The following APOB variants were observed in gnomAD, a reference collection of about 807,000 sequenced individuals.
The protein encoded by APOB is apolipoprotein B, also known as apolipoprotein B-100.
Under a neutral mutation model 314.1 loss-of-function variants are expected in APOB, and 153 were observed. That is an observed-to-expected ratio of 0.49 (90% CI 0.43 to 0.56). APOB has a LOEUF of 0.56. APOB is among the 20% of genes least tolerant of loss of function. The pLI is 0.00. For synonymous variants in APOB, 2,087 were observed against 2,036.4 expected (o/e 1.02, Z -0.67); for missense variants, 5,430 against 5,350.7 (o/e 1.01, Z -0.46).
Position 21,011,747 on chromosome 2 carries a change from C to G in APOB, c.5121G>C (p.Glu1707Asp), listed in dbSNP as rs1663327374. 10 of 1,614,030 alleles carry G rather than the reference C, an allele frequency of 6.2e-6. No individual in the cohort carries two copies. The highest frequency in any genetic ancestry group is 8.5e-6 in the Non-Finnish European group (10 of 1,180,040). ...FSLDGKAALTELSLGSAYQAM... is the reference protein window; with the variant it reads ...FSLDGKAALTDLSLGSAYQAM... Reference sequence around the variant, plus strand: ...CCTGATAAGCACTTCCCAGTGATAGCTCTGTGAGGGCGGCTTTCCCATCCA... The same window carrying G: ...CCTGATAAGCACTTCCCAGTGATAGGTCTGTGAGGGCGGCTTTCCCATCCA... Residue 1707 changes from glutamate (E) to aspartate (D), a missense_variant, in exon 26 of 29, where the codon GAG becomes GAC. This residue lies in a region of APOB where 2,085 missense variants were observed against 2,079.7 expected (regional missense o/e 1.00). Coordinates refer to ENST00000233242, the MANE Select transcript of APOB (RefSeq NM_000384.3).
At chr2:21,020,054 A>G in intron 18 of APOB, 149 bp from the exon 19 acceptor site, 1 of 757,380 alleles carries the variant, frequency 1.3e-6, no homozygotes, top group Non-Finnish European at 2.3e-6. Context: ...AGAAACAAAT[A>G]ATATTAGAAA....
Position 21,004,401 on chromosome 2 carries a change from A to G in APOB, c.11955T>C (p.Asp3985=). The change falls in exon 28 of 29, where the codon GAT becomes GAC. Residue 3985 remains aspartate, a synonymous_variant. Transcript: ENST00000233242. Reference sequence around the variant, plus strand: ...TGTCTTTCTGGTAGCGCAGATGGAGATCGGTGAACGCTGGGCTTTTGATAT... The same window carrying G: ...TGTCTTTCTGGTAGCGCAGATGGAGGTCGGTGAACGCTGGGCTTTTGATAT... ...HLNIKSPAFT[D]LHLRYQKDKK... is the part of the protein sequence containing the mutation. 2 of 1,613,998 alleles carry G rather than the reference A, an allele frequency of 1.2e-6. No individual in the cohort carries two copies. The highest frequency in any genetic ancestry group is 2.2e-5 in the South Asian group (2 of 91,072).
Position 21,018,989 on chromosome 2 carries a change from C to T in APOB, c.3121+3G>A. On this transcript the variant is annotated splice_donor_region_variant and intron_variant, in intron 20 of 28. Coordinates refer to ENST00000233242, the MANE Select transcript of APOB (RefSeq NM_000384.3). The stretch of plus-strand genomic sequence containing the variant: ...ATGAGGCAGCTGTGTTTTGAATACT[C>T]ACCTTCTGCTTGAGTTACAAACTTC... 2.5e-6 allele frequency: 4 copies of T among 1,614,038 alleles called. No individual in the cohort carries two copies. Among genetic ancestry groups the T allele is most frequent in the Non-Finnish European group, 3.4e-6 (4 of 1,179,980 alleles).
Position 21,006,575 on chromosome 2 carries a change from G to A in APOB, c.10293C>T (p.Ala3431=). The part of the protein sequence containing the change: ...MEVSVATTTK[A]QIPILRMNFK... The stretch of plus-strand genomic sequence containing the variant: ...AATTCATTCTCAAAATTGGAATTTG[G>A]GCTTTTGTGGTTGTTGCCACTGACA... The change falls in exon 26 of 29, where the codon GCC becomes GCT. Residue 3431 remains alanine, a synonymous_variant. Coordinates refer to ENST00000233242, the MANE Select transcript of APOB (RefSeq NM_000384.3). 6.2e-7 allele frequency: 1 copy of A among 1,614,028 alleles called. No homozygotes were observed. Among genetic ancestry groups the A allele is most frequent in the South Asian group, 1.1e-5 (1 of 91,080 alleles).
rs1367458507 is a variant in APOB at position 21,021,193 on chromosome 2, T to TGTA, written c.2817-1291_2817-1289dup. On this transcript the variant is annotated intron_variant, in intron 18 of 28. Transcript: ENST00000233242. ...TCCTTGAAACCAGAAGCTCTCCCAC[T>TGTA]GTAGTTCTTATTAAAATGAAGGGCG... Among the ~76,000 whole-genome samples the TGTA allele has an allele frequency of 2.0e-5, 3 of 152,344 alleles. No individual in the cohort carries two copies. The East Asian group carries it at 5.8e-4, about 29-fold the overall frequency.
chr2:21,007,114 T>G lies in APOB; in HGVS notation c.9754A>C (p.Thr3252Pro), dbSNP rs1357568074. Reference sequence around the variant, plus strand: ...ACTTCAACATTGACAACTGGAACAGTGTATCCAGGAATTTGAAAGGTCCTG... The same window carrying G: ...ACTTCAACATTGACAACTGGAACAGGGTATCCAGGAATTTGAAAGGTCCTG... ...LPRTFQIPGY[T>P]VPVVNVEVSP... The change falls in exon 26 of 29, where the codon ACT becomes CCT. Residue 3252 changes from threonine (T) to proline (P), a missense_variant. Thr to Pro is a conservative substitution (Grantham distance 38). This residue lies in a region of APOB where 3,281 missense variants were observed against 3,171.0 expected (regional missense o/e 1.03). Transcript: ENST00000233242. 1 of 1,613,982 alleles carries G rather than the reference T, an allele frequency of 6.2e-7. No individual in the cohort carries two copies. The highest frequency in any genetic ancestry group is 1.7e-5 in the Admixed American group (1 of 59,982).
At position 21,012,292 on chromosome 2, in the gene APOB, A is replaced by G. The variant is rs1663346691; in HGVS notation, c.4576T>C (p.Tyr1526His). 6.8e-6 allele frequency: 11 copies of G among 1,614,148 alleles called. No individual in the cohort carries two copies. The Admixed American group carries it at 8.3e-5, about 12-fold the overall frequency. ...GTTATCTGGTTGGTGCCTTGGAGGT[A>G]GGAGGAGTTAAACCTCAGGTTGGAC... Reference protein sequence around the residue: ...GESNLRFNSSYLQGTNQITGR... With the variant: ...GESNLRFNSSHLQGTNQITGR... Residue 1526 changes from tyrosine (Y) to histidine (H), a missense_variant, in exon 26 of 29, where the codon TAC becomes CAC. Tyr to His is a moderately conservative substitution (Grantham distance 83). Transcript: ENST00000233242.
Position 21,027,985 on chromosome 2 carries a change from T to A in APOB, c.1910A>T (p.Tyr637Phe). ...VMDFRKFSRNYQLYKSVSLPS... is the reference protein window; with the variant it reads ...VMDFRKFSRNFQLYKSVSLPS... Reference sequence around the variant, plus strand: ...AAGAGAAACAGATTTGTAGAGTTGATAGTTCCGAGAGAATTTTCTGAAGTC... The same window carrying A: ...AAGAGAAACAGATTTGTAGAGTTGAAAGTTCCGAGAGAATTTTCTGAAGTC... The change falls in exon 14 of 29, where the codon TAT becomes TTT. Residue 637 changes from tyrosine (Y) to phenylalanine (F), a missense_variant. By Grantham distance (22) the Tyr-to-Phe change is conservative (BLOSUM62 3). This residue lies in a region of APOB where 2,085 missense variants were observed against 2,079.7 expected (regional missense o/e 1.00). Transcript: ENST00000233242. 6.2e-7 allele frequency: 1 copy of A among 1,614,148 alleles called. No homozygotes were observed. The highest frequency in any genetic ancestry group is 8.5e-7 in the Non-Finnish European group (1 of 1,179,954).
chr2:21,015,385 C>T lies in APOB; in HGVS notation c.3493G>A (p.Val1165Met). ...AGACACATACCATAATGCCATGCCA[C>T]CCTCTTGGAAACTGTGGAGCCATAA... ...TAYGSTVSKR[V>M]AWHYDEEKIE... Residue 1165 changes from valine to methionine, a missense_variant, in exon 22 of 29, where the codon GTG becomes ATG. Val to Met is a conservative substitution (Grantham distance 21, BLOSUM62 1). Coordinates refer to ENST00000233242, the MANE Select transcript of APOB (RefSeq NM_000384.3). 1.2e-6 allele frequency: 2 copies of T among 1,614,194 alleles called. No individual in the cohort carries two copies. Among genetic ancestry groups the T allele is most frequent in the Non-Finnish European group, 1.7e-6 (2 of 1,180,050 alleles).
At chr2:21,014,968 G>T (rs897896181) in intron 23 of APOB, 105 bp downstream of exon 23, 18 of 1,205,178 alleles carry the variant, frequency 1.5e-5, no homozygotes, top group African/African-American at 4.5e-5. Context: ...GGGGAAGGAA[G>T]CATGCCTTAT....
rs1663347298 is a variant in APOB, at chr2:21,012,315, G to A, written c.4553C>T (p.Ser1518Phe). Reference sequence around the variant, plus strand: ...GTAGGAGGAGTTAAACCTCAGGTTGGACTCTCCATTGAGCCGGCCAGTGTT... The same window carrying A: ...GTAGGAGGAGTTAAACCTCAGGTTGAACTCTCCATTGAGCCGGCCAGTGTT... ...DPNTGRLNGESNLRFNSSYLQ... is the reference protein window; with the variant it reads ...DPNTGRLNGEFNLRFNSSYLQ... The change falls in exon 26 of 29, where the codon TCC becomes TTC. Residue 1518 changes from serine (S) to phenylalanine (F), a missense_variant. By Grantham distance (155) the Ser-to-Phe change is radical. This residue lies in a region of APOB where 2,085 missense variants were observed against 2,079.7 expected (regional missense o/e 1.00). Coordinates refer to ENST00000233242, the MANE Select transcript of APOB (RefSeq NM_000384.3). 1 of 1,614,016 alleles carries A rather than the reference G, an allele frequency of 6.2e-7. No homozygotes were observed. Among genetic ancestry groups the A allele is most frequent in the African/African-American group, 1.3e-5 (1 of 74,898 alleles).
Position 21,013,371 on chromosome 2 carries a change from G to A in APOB, c.4005C>T (p.Phe1335=). ...SVGFHLPSRE[F]QVPTFTIPKL... Reference sequence around the variant, plus strand: ...TGGGAATGGTAAAAGTAGGGACTTGGAACTCTCGAGATGGCAGATGGAATC... The same window carrying A: ...TGGGAATGGTAAAAGTAGGGACTTGAAACTCTCGAGATGGCAGATGGAATC... Residue 1335 remains phenylalanine, a synonymous_variant, in exon 25 of 29, where the codon TTC becomes TTT. Transcript: ENST00000233242. 2 of 1,614,202 alleles carry A rather than the reference G, an allele frequency of 1.2e-6. No individual in the cohort carries two copies. Among genetic ancestry groups the A allele is most frequent in the South Asian group, 1.1e-5 (1 of 91,080 alleles).
intron 24 of APOB, 64 bp downstream of exon 24, chr2:21,014,384 T>A: frequency 6.3e-7 from 1 of 1,583,544 alleles, no homozygotes; most frequent in South Asian, 1.1e-5. Flanking sequence ...GTCTAAATCA[T>A]GCTATGTAAA....
intron 1 of APOB, 114 bp from the exon 2 acceptor site, chr2:21,043,665 C>T: frequency 2.0e-6 from 3 of 1,509,594 alleles, no homozygotes; most frequent in Middle Eastern, 1.7e-4. Flanking sequence ...AGGCAGGCTC[C>T]GGAGACCCCC....
intron 12 of APOB, 116 bp from the exon 13 acceptor site, chr2:21,028,654 T>C (rs1348016331): frequency 1.4e-6 from 1 of 734,254 alleles, no homozygotes; most frequent in Non-Finnish European, 2.4e-6. Context: ...AATTTCTCTG[T>C]AATCGTTCTT....
Position 21,006,306 on chromosome 2 carries a change from A to C in APOB, c.10562T>G (p.Leu3521Trp). The change falls in exon 26 of 29, where the codon TTG (leucine) becomes TGG (tryptophan). Residue 3521 changes from leucine (L) to tryptophan (W), a missense_variant. Leu to Trp is a moderately conservative substitution (Grantham distance 61, BLOSUM62 -2). Around this residue, in one of 3 missense-constraint regions of APOB, gnomAD observed 3,281 missense variants for 3,171.0 expected, o/e 1.03. Coordinates refer to ENST00000233242, the MANE Select transcript of APOB (RefSeq NM_000384.3). ...GTIASEANTY[L>W]NSKSTRSSVK... The stretch of plus-strand genomic sequence containing the variant: ...TGAAGACCGTGTGCTCTTGGAATTC[A>C]AGTAAGTGTTGGCCTCACTAGCAAT... 6.2e-7 allele frequency: 1 copy of C among 1,614,054 alleles called. No homozygotes were observed. The highest frequency in any genetic ancestry group is 1.6e-4 in the Middle Eastern group (1 of 6,062).
intron 6 of APOB, among the ~76,000 whole-genome samples, chr2:21,036,798 G>A (rs932493771): frequency 6.6e-6 from 1 of 152,150 alleles, no homozygotes; most frequent in Non-Finnish European, 1.5e-5. Context: ...TCAGAGGTGA[G>A]TAGTCATTAC....
rs770675974 is a variant in APOB, at chr2:21,003,278, A to T, written c.12144T>A (p.Ser4048=). 1 of 1,613,820 alleles carries T rather than the reference A, an allele frequency of 6.2e-7. No individual in the cohort carries two copies. Among genetic ancestry groups the T allele is most frequent in the Non-Finnish European group, 8.5e-7 (1 of 1,179,924 alleles). The change falls in exon 29 of 29, where the codon TCT becomes TCA. Residue 4048 remains serine, a synonymous_variant. Coordinates refer to ENST00000233242, the MANE Select transcript of APOB (RefSeq NM_000384.3). ...TAACTTTGATCTGAGTTTCCTCATCAGATTCCCGGACCCTCAACTCAGTTT... is the reference window on the plus strand; with the variant it reads ...TAACTTTGATCTGAGTTTCCTCATCTGATTCCCGGACCCTCAACTCAGTTT... ...IFKTELRVRE[S]DEETQIKVNW...
chr2:21,042,553 G>T, intron 2 of APOB, 77 bp from the exon 3 acceptor site: 2 of 996,590 alleles, frequency 2.0e-6, no homozygotes, highest in Non-Finnish European at 3.2e-6. Context: ...GCAGAGAGGG[G>T]CAGTGGCATA....
Sources: gnomAD v4.1 joint callset for allele counts (sites outside exome capture counted in the v4.1 genomes callset) on GRCh38, gnomAD v4.1.1 for gene constraint, gnomAD v4.1.1 regional missense constraint, MANE v1.5 for transcripts, NCBI Gene and HGNC (gene_info 2026-07-23, HGNC 2026-07-21) for gene names.